The following ATF3 variants were observed in gnomAD, a reference collection of about 807,000 sequenced individuals.
ATF3 encodes cyclic AMP-dependent transcription factor ATF-3.
A neutral mutation model predicts 18.4 loss-of-function variants in ATF3; 10 were observed. The ratio of observed to expected loss-of-function variants is 0.54; its 90% CI spans 0.34 to 0.92. The LOEUF (loss-of-function observed/expected upper bound fraction) is 0.92, where lower values mean the gene tolerates loss of function less well. Ranked by LOEUF, ATF3 falls within the 40% of genes least tolerant of loss-of-function variation. The probability of loss-of-function intolerance (pLI) is 0.02; values close to 1 mark genes in which losing one functional copy is unlikely to be tolerated. For missense variants in ATF3, 183 were observed against 222.3 expected (o/e 0.82, Z 1.12); for synonymous variants, 78 against 87.9 (o/e 0.89, Z 0.63).
chr1:212,603,834 TATA>T (rs1654551667), upstream of ATF3, among the ~76,000 whole-genome samples: 1 of 151,934 alleles, frequency 6.6e-6, no homozygotes, highest in Non-Finnish European at 1.5e-5. Context: ...TGCTATACTT[TATA>T]ATAAGACATA....
chr1:212,602,862 TTC>T (rs1654519554), intron 1 of ATF3, among the ~76,000 whole-genome samples: 1 of 152,250 alleles, frequency 6.6e-6, no homozygotes, highest in Admixed American at 6.5e-5. Flanking sequence ...ATTTGATATC[TTC>T]TCTCTTTCCT....
chr1:212,611,168 C>T lies in ATF3; in HGVS notation c.-5+2238C>T, dbSNP rs1171313793. On this transcript the variant is annotated intron_variant, in intron 1 of 3. Coordinates refer to ENST00000341491, the MANE Select transcript of ATF3 (RefSeq NM_001674.4). ...TTATATGTGAGAATTGGTTCTCTTT[C>T]AAATATGTAATGCAGAAATGCTGGC... 2.0e-5 allele frequency among the ~76,000 whole-genome samples: 3 copies of T among 152,168 alleles called. No homozygotes were observed. In the East Asian group the frequency reaches 5.8e-4, roughly 29 times the overall value.
intron 1 of ATF3, among the ~76,000 whole-genome samples, chr1:212,610,996 A>G (rs1445028465): frequency 6.6e-6 from 1 of 152,162 alleles, no homozygotes; most frequent in East Asian, 1.9e-4. Context: ...AGAGGGTGTG[A>G]TTTCCATTAG....
At chr1:212,611,179 T>G (rs570135662) in intron 1 of ATF3, among the ~76,000 whole-genome samples, 18 of 152,340 alleles carry the variant, frequency 1.2e-4, no homozygotes, top group African/African-American at 4.3e-4. Flanking sequence ...AAATATGTAA[T>G]GCAGAAATGC....
chr1:212,588,986 T>C (rs1373425113), intron 1 of ATF3, among the ~76,000 whole-genome samples: 1 of 152,210 alleles, frequency 6.6e-6, no homozygotes, highest in Non-Finnish European at 1.5e-5. Flanking sequence ...ATATTTATAT[T>C]TTTAAATAAA....
At position 212,615,067 on chromosome 1, in the gene ATF3, G is replaced by A. The variant is rs1655051715; in HGVS notation, c.46G>A (p.Ala16Thr). The change falls in exon 2 of 4, where the codon GCT becomes ACT. Residue 16 changes from alanine (A) to threonine (T), a missense_variant. Ala to Thr is a moderately conservative substitution (Grantham distance 58). Coordinates refer to ENST00000341491, the MANE Select transcript of ATF3 (RefSeq NM_001674.4). ...CCAGGTCTCTGCCTCGGAAGTGAGTGCTTCTGCCATCGTCCCCTGCCTGTC... is the reference window on the plus strand; with the variant it reads ...CCAGGTCTCTGCCTCGGAAGTGAGTACTTCTGCCATCGTCCCCTGCCTGTC... ...PGQVSASEVS[A>T]SAIVPCLSPP... is the part of the protein sequence containing the mutation. The A allele has an allele frequency of 1.9e-6, 3 of 1,614,054 alleles. No homozygotes were observed. Among genetic ancestry groups the A allele is most frequent in the Middle Eastern group, 1.6e-4 (1 of 6,084 alleles).
chr1:212,577,421 G>A (rs1475674869), intron 1 of ATF3, among the ~76,000 whole-genome samples: 3 of 152,062 alleles, frequency 2.0e-5, no homozygotes, highest in African/African-American at 7.2e-5. Flanking sequence ...GAAACACTTA[G>A]CATTCACTCT....
intron 1 of ATF3, among the ~76,000 whole-genome samples, chr1:212,574,330 ATTTAATGATTT>A (rs917037628): frequency 2.0e-5 from 3 of 151,940 alleles, no homozygotes; most frequent in African/African-American, 7.2e-5. Context: ...CTGTCCTTAT[ATTTAATGATTT>A]TTTGTTTTAA....
At chr1:212,585,793 GGT>G (rs10622913) in intron 1 of ATF3, among the ~76,000 whole-genome samples, 6 of 151,246 alleles carry the variant, frequency 4.0e-5, no homozygotes, top group South Asian at 2.1e-4. Context: ...CTCAGTTCTA[GGT>G]GTGTGTGTGT....
chr1:212,566,167 A>G (rs186271526), intron 1 of ATF3, among the ~76,000 whole-genome samples: 13 of 152,286 alleles, frequency 8.5e-5, no homozygotes, highest in Non-Finnish European at 1.8e-4. Context: ...TCTGCCAAGT[A>G]AAAGCTGTGT....
At chr1:212,614,446 C>T (rs1382778837) in intron 1 of ATF3, among the ~76,000 whole-genome samples, 1 of 152,118 alleles carries the variant, frequency 6.6e-6, no homozygotes, top group Non-Finnish European at 1.5e-5. Context: ...GGGGGAGAAG[C>T]TTCAGAGATG....
chr1:212,580,439 T>C (rs1664663416), intron 1 of ATF3, among the ~76,000 whole-genome samples: 1 of 152,006 alleles, frequency 6.6e-6, no homozygotes, highest in Non-Finnish European at 1.5e-5. Flanking sequence ...CTCAGCCTCC[T>C]GAGTAGGTAG....
chr1:212,585,707 C>G (rs1664767583), intron 1 of ATF3, among the ~76,000 whole-genome samples: 1 of 152,196 alleles, frequency 6.6e-6, no homozygotes, highest in African/African-American at 2.4e-5. Context: ...CAGATAAACT[C>G]AGCCAAATGA....
At chr1:212,595,956 G>A (rs1230140975) in intron 1 of ATF3, among the ~76,000 whole-genome samples, 1 of 152,196 alleles carries the variant, frequency 6.6e-6, no homozygotes, top group African/African-American at 2.4e-5. Context: ...GGCAGGAGGA[G>A]GAGGAAATTC....
At chr1:212,581,547 T>C (rs780618422) in intron 1 of ATF3, among the ~76,000 whole-genome samples, 1 of 152,200 alleles carries the variant, frequency 6.6e-6, no homozygotes, top group Non-Finnish European at 1.5e-5. Flanking sequence ...ATACAAAAAC[T>C]GTTTGTGGTT....
At chr1:212,596,414 G>A (rs1437833261) in intron 1 of ATF3, among the ~76,000 whole-genome samples, 1 of 152,222 alleles carries the variant, frequency 6.6e-6, no homozygotes, top group African/African-American at 2.4e-5. Flanking sequence ...CAATAATAGT[G>A]TGCTTTAATT....
chr1:212,602,709 T>C (rs1020449700), intron 1 of ATF3, among the ~76,000 whole-genome samples: 6 of 152,182 alleles, frequency 3.9e-5, no homozygotes, highest in Non-Finnish European at 7.4e-5. Flanking sequence ...AAGCATTAAC[T>C]GTACGTAAAG....
intron 1 of ATF3, among the ~76,000 whole-genome samples, chr1:212,590,735 C>G (rs945262748): frequency 6.6e-6 from 1 of 152,180 alleles, no homozygotes; most frequent in Non-Finnish European, 1.5e-5. Context: ...AGAAATTGCA[C>G]ATTTCCCAGG....
chr1:212,620,423 T>C lies in ATF3; in HGVS notation c.*868T>C, dbSNP rs1005479076. The C allele has an allele frequency of 6.5e-6, 1 of 152,672 alleles. No individual in the cohort carries two copies. Among genetic ancestry groups the C allele is most frequent in the Non-Finnish European group, 1.5e-5 (1 of 68,052 alleles). The allele number at this position is 152,672 out of a possible 1,614,324, so 9.5% of individuals were successfully genotyped here. ...GAGCCAAAGAATATTCCATTTTCCT[T>C]TCCTTGTGGTTGAAAACCACAGTCA... On this transcript the variant is annotated 3_prime_UTR_variant, in exon 4 of 4. Coordinates refer to ENST00000341491, the MANE Select transcript of ATF3 (RefSeq NM_001674.4).
Sources: allele counts gnomAD v4.1 joint callset (sites outside exome capture counted in the v4.1 genomes callset), GRCh38; gene constraint gnomAD v4.1.1; transcripts MANE v1.5; gene names NCBI Gene and HGNC (gene_info 2026-07-23, HGNC 2026-07-21).